The following ZNF469 variants were observed in gnomAD, a reference collection of about 807,000 sequenced individuals.
The protein encoded by ZNF469 is zinc finger protein 469.
ZNF469 carries 1 observed loss-of-function variant against 1.0 expected under a neutral mutation model. The observed-to-expected ratio is 1.00, with a 90% CI of 0.35 to 4.73. The LOEUF is 4.73. Ranked by LOEUF, ZNF469 falls within the 30% of genes most tolerant of loss-of-function variation. The pLI, the probability that ZNF469 is intolerant of heterozygous loss-of-function variation, is 0.16. For synonymous variants in ZNF469, 2,703 were observed against 2,363.4 expected (o/e 1.14, Z -4.17); for missense variants, 6,100 against 5,356.3 (o/e 1.14, Z -4.33).
the ZNF469 span, among the ~76,000 whole-genome samples, chr16:88,206,319 T>C: frequency 6.6e-6 from 1 of 152,222 alleles, no homozygotes; most frequent in Non-Finnish European, 1.5e-5. Flanking sequence ...CTGGACAGAC[T>C]GGAGACCCGA....
chr16:88,279,787 G>C, the ZNF469 span, among the ~76,000 whole-genome samples: 1 of 148,898 alleles, frequency 6.7e-6, no homozygotes, highest in Non-Finnish European at 1.5e-5. Context: ...AGTTAGTGCT[G>C]TGCCACGCTG....
chr16:88,221,259 G>A, the ZNF469 span, among the ~76,000 whole-genome samples: 1 of 152,234 alleles, frequency 6.6e-6, no homozygotes, highest in Admixed American at 6.5e-5. Flanking sequence ...GCTAGCCGTG[G>A]CTTCCTCATC....
At chr16:88,386,965 T>A (rs1417191450) in intron 1 of ZNF469, among the ~76,000 whole-genome samples, 1 of 152,176 alleles carries the variant, frequency 6.6e-6, no homozygotes, top group Non-Finnish European at 1.5e-5. Flanking sequence ...GCTGCAATCG[T>A]ATACTTCAGA....
At chr16:88,183,498 C>T in the ZNF469 span, among the ~76,000 whole-genome samples, 2 of 152,194 alleles carry the variant, frequency 1.3e-5, no homozygotes, top group Non-Finnish European at 2.9e-5. Context: ...TCCCGCGAAG[C>T]CTGCTGCGAA....
the ZNF469 span, among the ~76,000 whole-genome samples, chr16:88,375,950 A>G: frequency 6.6e-6 from 1 of 152,258 alleles, no homozygotes; most frequent in Non-Finnish European, 1.5e-5. Flanking sequence ...TGGATAAGCC[A>G]TTTGGAGAGG....
chr16:88,247,166 A>C, the ZNF469 span, among the ~76,000 whole-genome samples: 1 of 151,640 alleles, frequency 6.6e-6, no homozygotes, highest in Non-Finnish European at 1.5e-5. Context: ...TGAATCGTGA[A>C]TGACTGAGTG....
chr16:88,154,017 TG>T, the ZNF469 span, among the ~76,000 whole-genome samples: 9 of 152,360 alleles, frequency 5.9e-5, no homozygotes, highest in South Asian at 1.9e-3. Context: ...GGTATGAATT[TG>T]GGGACACAGC....
the ZNF469 span, among the ~76,000 whole-genome samples, chr16:88,284,625 A>AG: frequency 6.6e-6 from 1 of 151,516 alleles, no homozygotes; most frequent in Non-Finnish European, 1.5e-5. Context: ...AAAAAAAAAA[A>AG]AAAAAGAACA....
chr16:88,166,002 C>G, the ZNF469 span, among the ~76,000 whole-genome samples: 1 of 152,180 alleles, frequency 6.6e-6, no homozygotes, highest in African/African-American at 2.4e-5. This position sits in a 1 kb window ranked among gnomAD's most constrained non-coding sequence, Gnocchi z 4.5. Context: ...TTGCACAACC[C>G]CAGAAGCGGG....
intron 1 of ZNF469, among the ~76,000 whole-genome samples, chr16:88,414,447 T>G (rs1905254392): frequency 6.6e-6 from 1 of 151,954 alleles, no homozygotes; most frequent in Admixed American, 6.5e-5. Context: ...CAGACTCGAG[T>G]TGTTGGAGGC....
chr16:88,372,677 C>T, the ZNF469 span, among the ~76,000 whole-genome samples: 1 of 148,736 alleles, frequency 6.7e-6, no homozygotes, highest in Non-Finnish European at 1.5e-5. Flanking sequence ...CCATCATCAC[C>T]ACCATCATCA....
At chr16:88,183,151 G>A in the ZNF469 span, among the ~76,000 whole-genome samples, 1 of 152,356 alleles carries the variant, frequency 6.6e-6, no homozygotes, top group South Asian at 2.1e-4. Context: ...AACATTGAAA[G>A]CATTATGAAT....
the ZNF469 span, among the ~76,000 whole-genome samples, chr16:88,301,356 A>G: frequency 0.052 from 7,856 of 152,102 alleles, 404 homozygotes; most frequent in East Asian, 0.16. Context: ...GGGTCTCACC[A>G]TGTTAGCCAG....
the ZNF469 span, among the ~76,000 whole-genome samples, chr16:88,322,911 C>T: frequency 1.3e-5 from 2 of 152,034 alleles, no homozygotes; most frequent in African/African-American, 4.8e-5. Context: ...GAGACGAGCT[C>T]AGGAAAGCGG....
At chr16:88,347,015 T>TG in the ZNF469 span, among the ~76,000 whole-genome samples, 2 of 152,204 alleles carry the variant, frequency 1.3e-5, no homozygotes, top group Non-Finnish European at 2.9e-5. Context: ...CTGCTGGTTC[T>TG]GGGGGGAAGT....
At chr16:88,360,842 C>A in the ZNF469 span, among the ~76,000 whole-genome samples, 18 of 152,266 alleles carry the variant, frequency 1.2e-4, no homozygotes, top group Non-Finnish European at 2.5e-4. Context: ...TGCCCGACAC[C>A]CCCTGTTACA....
the ZNF469 span, among the ~76,000 whole-genome samples, chr16:88,359,024 C>T: frequency 6.6e-6 from 1 of 152,212 alleles, no homozygotes; most frequent in African/African-American, 2.4e-5. Context: ...ACGGGGACTC[C>T]CCCTAGAAGT....
chr16:88,113,212 T>C, the ZNF469 span, among the ~76,000 whole-genome samples: 2,184 of 152,302 alleles, frequency 0.014, 24 homozygotes, highest in African/African-American at 0.036. Context: ...TGTTTTCTTG[T>C]AGTAGTTTCA....
chr16:88,138,329 C>G, the ZNF469 span, among the ~76,000 whole-genome samples: 2 of 152,220 alleles, frequency 1.3e-5, no homozygotes, highest in Non-Finnish European at 2.9e-5. Context: ...CCTCAGCCCA[C>G]TTTCCCAAAT....
Sources: allele counts gnomAD v4.1 joint callset (sites outside exome capture counted in the v4.1 genomes callset), GRCh38; gene constraint gnomAD v4.1.1; non-coding constraint Gnocchi (gnomAD v3.1); transcripts MANE v1.5; gene names NCBI Gene and HGNC (gene_info 2026-07-23, HGNC 2026-07-21).